COL5A1: variants seen among roughly 807,000 people sequenced by gnomAD.
The protein encoded by COL5A1 is collagen type V alpha 1 chain.
A neutral mutation model predicts 263.7 loss-of-function variants in COL5A1; 16 were observed. The observed-to-expected ratio is 0.06, with a 90% confidence interval of 0.04 to 0.09. COL5A1 has a LOEUF of 0.09. Ranked by LOEUF, COL5A1 falls within the 10% of genes least tolerant of loss-of-function variation. The pLI, the probability that COL5A1 is intolerant of heterozygous loss-of-function variation, is 1.00. For missense variants in COL5A1, 2,036 were observed against 2,540.5 expected, an observed-to-expected ratio of 0.80 and a Z score of 4.27; for synonymous variants, 1,012 against 1,004.5, an observed-to-expected ratio of 1.01 and a Z score of -0.14.
chr9:134,827,183 A>G (rs1163045988), intron 63 of COL5A1, among the ~76,000 whole-genome samples: 1 of 152,196 alleles, frequency 6.6e-6, no homozygotes, highest in Non-Finnish European at 1.5e-5. Flanking sequence ...AGTGCCCCAG[A>G]AGCAGTTTCC....
At chr9:134,802,213 C>T (rs1479643279) in intron 38 of COL5A1, among the ~76,000 whole-genome samples, 1 of 152,216 alleles carries the variant, frequency 6.6e-6, no homozygotes, top group African/African-American at 2.4e-5. Context: ...AACACAAACC[C>T]AACACGCAGG....
chr9:134,828,908 CATACACAG>C (rs1564182093), intron 63 of COL5A1, among the ~76,000 whole-genome samples: 1 of 147,626 alleles, frequency 6.8e-6, no homozygotes, highest in African/African-American at 2.7e-5. Context: ...ACACACACAG[CATACACAG>C]ATACACACCA....
At position 134,815,943 on chromosome 9, in the gene COL5A1, T is replaced by C; in HGVS notation, c.4077T>C (p.Asp1359=). The part of the protein sequence containing the change: ...PPGEPGPAGQ[D]GPPGDKGDDG... ...CGCTTTTGCCTCCATAGGGTCAAGA[T>C]GGTCCCCCTGGTGACAAAGGAGATG... The change falls in exon 52 of 66, where the codon GAT becomes GAC. Residue 1359 remains aspartate (D), a synonymous_variant. Transcript: ENST00000371817. 7 of 1,614,142 alleles carry C rather than the reference T, an allele frequency of 4.3e-6. No individual in the cohort carries two copies. The highest frequency in any genetic ancestry group is 5.9e-6 in the Non-Finnish European group (7 of 1,180,030).
chr9:134,817,862 C>G, intron 54 of COL5A1, 31 bp downstream of exon 54: 1 of 1,574,424 alleles, frequency 6.4e-7, no homozygotes, highest in Non-Finnish European at 8.6e-7. Flanking sequence ...GCTGTGACCG[C>G]GTAGACCTCC....
chr9:134,809,074 C>T (rs998590703), intron 42 of COL5A1, 109 bp from the exon 43 acceptor site: 1 of 986,354 alleles, frequency 1.0e-6, no homozygotes, highest in Non-Finnish European at 1.6e-6. Context: ...CGGTCACCCT[C>T]ACCAACTCCC....
chr9:134,665,581 A>C (rs140639094), intron 1 of COL5A1, among the ~76,000 whole-genome samples: 3 of 152,326 alleles, frequency 2.0e-5, no homozygotes, highest in Non-Finnish European at 2.9e-5. Flanking sequence ...CTGGGTGCAC[A>C]GGCTGCAGGT....
intron 39 of COL5A1, among the ~76,000 whole-genome samples, chr9:134,804,709 T>C (rs1186411339): frequency 1.3e-5 from 2 of 152,196 alleles, no homozygotes; most frequent in African/African-American, 4.8e-5. Flanking sequence ...CTCTGAAAAG[T>C]GGCCAGGAGA....
Position 134,818,293 on chromosome 9 carries a change from T to G in COL5A1, c.4231-363T>G, listed in dbSNP as rs2132862831. 6.6e-6 allele frequency among the ~76,000 whole-genome samples: 1 copy of G among 152,290 alleles called. No individual in the cohort carries two copies. Among genetic ancestry groups the G allele is most frequent in the Non-Finnish European group, 1.5e-5 (1 of 68,006 alleles). On this transcript the variant is annotated intron_variant, in intron 54 of 65. Transcript: ENST00000371817. This position sits in a 1 kb window ranked among gnomAD's most constrained non-coding sequence, Gnocchi z 6.0. ...GCCCAGAGCACACGGGAGGCTATTC[T>G]GTCAGTGAGGTGATGGCGGCCCGGC...
intron 11 of COL5A1, among the ~76,000 whole-genome samples, chr9:134,744,891 A>G (rs1470005526): frequency 7.0e-6 from 1 of 143,142 alleles, no homozygotes; most frequent in Non-Finnish European, 1.5e-5. Context: ...ACCTGCACAC[A>G]CACTCATGCA....
intron 1 of COL5A1, among the ~76,000 whole-genome samples, chr9:134,654,616 T>G (rs2132481919): frequency 1.8e-5 from 2 of 113,612 alleles, no homozygotes; most frequent in Non-Finnish European, 1.8e-5. Context: ...GCTGAGGGTG[T>G]GTAGGGCTGG....
chr9:134,739,570 C>G (rs774277274), intron 11 of COL5A1, among the ~76,000 whole-genome samples: 5 of 152,110 alleles, frequency 3.3e-5, no homozygotes, highest in Non-Finnish European at 7.4e-5. Flanking sequence ...AGGGTCTGGT[C>G]GTGTGAGAAG....
chr9:134,730,239 C>G lies in COL5A1; in HGVS notation c.928C>G (p.Leu310Val). 3 of 1,613,592 alleles carry G rather than the reference C, an allele frequency of 1.9e-6. No homozygotes were observed. Among genetic ancestry groups the G allele is most frequent in the Non-Finnish European group, 2.5e-6 (3 of 1,180,012 alleles). ...AKETTEVPEE[L>V]TPTPTEAAPM... ...TGTCTCTGTCCTTGGCTCCCAGGAG[C>G]TGACCCCGACCCCCACGGAAGCTGC... is the stretch of plus-strand genomic sequence containing the variant. Residue 310 changes from leucine (L) to valine (V), a missense_variant, in exon 7 of 66, where the codon CTG (leucine) becomes GTG (valine). This residue lies in a region of COL5A1 where 600 missense variants were observed against 634.5 expected (regional missense o/e 0.95). Coordinates refer to ENST00000371817, the MANE Select transcript of COL5A1 (RefSeq NM_000093.5).
chr9:134,751,687 C>T (rs1003223451), intron 13 of COL5A1, among the ~76,000 whole-genome samples: 1 of 152,180 alleles, frequency 6.6e-6, no homozygotes, highest in East Asian at 1.9e-4. Flanking sequence ...GGGTAATCCT[C>T]CAGCGGAGTG....
At chr9:134,666,953 A>G (rs770435174) in intron 1 of COL5A1, among the ~76,000 whole-genome samples, 54 of 152,240 alleles carry the variant, frequency 3.5e-4, no homozygotes, top group Non-Finnish European at 7.1e-4. Flanking sequence ...TGGGGATGAC[A>G]TGACCCCAGT....
In COL5A1 at chr9:134,803,006, G is replaced by A; in HGVS notation, c.3114+11G>A. On this transcript the variant is annotated intron_variant, in intron 39 of 65. Transcript: ENST00000371817. ...AAAGAAGGGACGAAGGTGAGTTTCT[G>A]GAGCCTTCTGTGTCAGCTCAGGCGT... The A allele has an allele frequency of 6.3e-7, 1 of 1,579,756 alleles. No homozygotes were observed. The highest frequency in any genetic ancestry group is 2.3e-5 in the East Asian group (1 of 44,016).
At chr9:134,732,785 CT>C (rs1834945945) in intron 9 of COL5A1, 2 of 158,636 alleles carry the variant, frequency 1.3e-5, no homozygotes, top group African/African-American at 4.8e-5. Context: ...CTAGATGCCC[CT>C]CCTGGTTGGC....
At chr9:134,796,180 C>A (rs1334457219) in intron 34 of COL5A1, among the ~76,000 whole-genome samples, 194 bp from the exon 35 acceptor site, 2 of 152,190 alleles carry the variant, frequency 1.3e-5, no homozygotes, top group Admixed American at 6.5e-5. Context: ...CATGCAGAGG[C>A]ACGGGGACAG....
At chr9:134,816,997 TCA>T in intron 52 of COL5A1, 27 bp from the exon 53 acceptor site, 1 of 1,611,064 alleles carries the variant, frequency 6.2e-7, no homozygotes, top group African/African-American at 1.3e-5. Flanking sequence ...CCCCAATTCC[TCA>T]CACTCTGTTC....
intron 1 of COL5A1, among the ~76,000 whole-genome samples, chr9:134,672,421 T>G (rs1385100232): frequency 6.6e-6 from 1 of 152,252 alleles, no homozygotes; most frequent in Admixed American, 6.5e-5. Flanking sequence ...TTTGATGTAT[T>G]TACTTTCTAC....
Sources: gnomAD v4.1 joint callset for allele counts (sites outside exome capture counted in the v4.1 genomes callset) on GRCh38, gnomAD v4.1.1 for gene constraint, gnomAD v4.1.1 regional missense constraint, Gnocchi (gnomAD v3.1) non-coding constraint, MANE v1.5 for transcripts, NCBI Gene and HGNC (gene_info 2026-07-23, HGNC 2026-07-21) for gene names.